Variants in KCNQ5 observed in about 807,000 individuals in gnomAD.
KCNQ5 encodes the protein potassium voltage-gated channel subfamily KQT member 5.
A neutral mutation model predicts 98.2 loss-of-function variants in KCNQ5; 30 were observed. That is an observed-to-expected ratio of 0.31 (90% confidence interval 0.23 to 0.41). The LOEUF (loss-of-function observed/expected upper bound fraction) is 0.41, where lower values mean the gene tolerates loss of function less well. KCNQ5 is among the 10% of genes least tolerant of loss of function. The probability of loss-of-function intolerance (pLI) is 1.00; values close to 1 mark genes in which losing one functional copy is unlikely to be tolerated. For missense variants in KCNQ5, 835 were observed against 1,182.5 expected (o/e 0.71, Z 4.31); for synonymous variants, 458 against 449.4 (o/e 1.02, Z -0.24).
intron 1 of KCNQ5, among the ~76,000 whole-genome samples, chr6:72,846,105 T>A (rs1211290820): frequency 6.6e-6 from 1 of 152,116 alleles, no homozygotes; most frequent in East Asian, 1.9e-4. Context: ...TTGTTAAGTG[T>A]CCCAAGAATG....
At chr6:72,984,431 C>T (rs866350070) in intron 1 of KCNQ5, among the ~76,000 whole-genome samples, 15 of 152,312 alleles carry the variant, frequency 9.8e-5, no homozygotes, top group Middle Eastern at 6.8e-3. Flanking sequence ...ATGCCCCTCC[C>T]GCAGCCAGGC....
chr6:72,888,582 C>T (rs9342984), intron 1 of KCNQ5, among the ~76,000 whole-genome samples: 91,193 of 151,988 alleles, frequency 0.6, 28,030 homozygotes, highest in East Asian at 0.79. Context: ...ACTGCATTTG[C>T]GATGAACCAT....
intron 1 of KCNQ5, among the ~76,000 whole-genome samples, chr6:72,628,828 G>T (rs1054865893): frequency 6.6e-6 from 1 of 152,032 alleles, no homozygotes; most frequent in Non-Finnish European, 1.5e-5. Context: ...GGCCAGGCTG[G>T]TCTCATTCTC....
intron 1 of KCNQ5, among the ~76,000 whole-genome samples, chr6:72,955,547 A>C (rs923838821): frequency 2.0e-5 from 3 of 152,214 alleles, no homozygotes; most frequent in African/African-American, 7.2e-5. Context: ...CTAATTAAAA[A>C]AGAAGATGTA....
intron 1 of KCNQ5, among the ~76,000 whole-genome samples, chr6:72,648,158 A>G (rs1421968411): frequency 3.9e-5 from 6 of 152,164 alleles, no homozygotes; most frequent in Non-Finnish European, 7.3e-5. Context: ...ACATAAGGCC[A>G]TTCACCATGG....
intron 1 of KCNQ5, among the ~76,000 whole-genome samples, chr6:72,978,993 C>T (rs1281735287): frequency 6.6e-6 from 1 of 152,218 alleles, no homozygotes; most frequent in Non-Finnish European, 1.5e-5. Context: ...CATGTCCCTA[C>T]AAAGGATATG....
At chr6:72,874,363 T>C (rs1367950695) in intron 1 of KCNQ5, among the ~76,000 whole-genome samples, 1 of 152,060 alleles carries the variant, frequency 6.6e-6, no homozygotes, top group African/African-American at 2.4e-5. Context: ...ATTTCTTAGA[T>C]CAGATAAGGT....
intron 1 of KCNQ5, among the ~76,000 whole-genome samples, chr6:73,001,598 C>A (rs1027382605): frequency 2.6e-5 from 4 of 151,990 alleles, no homozygotes; most frequent in Admixed American, 6.6e-5. Flanking sequence ...TTCTGGGAAA[C>A]CTGGACTTGG....
chr6:72,785,077 C>T (rs1203940422), intron 1 of KCNQ5, among the ~76,000 whole-genome samples: 3 of 152,234 alleles, frequency 2.0e-5, no homozygotes, highest in Admixed American at 6.5e-5. Context: ...GATTGACCAA[C>T]ACTAAAGTGC....
intron 1 of KCNQ5, among the ~76,000 whole-genome samples, chr6:72,846,412 A>G (rs528175311): frequency 2.0e-5 from 3 of 152,180 alleles, no homozygotes; most frequent in Admixed American, 6.5e-5. Context: ...GGCCTGGCAC[A>G]GTGGCTCACA....
chr6:73,124,064 T>C (rs1775852062), intron 8 of KCNQ5, among the ~76,000 whole-genome samples: 1 of 152,214 alleles, frequency 6.6e-6, no homozygotes, highest in Non-Finnish European at 1.5e-5. Context: ...CCTCAGCAAG[T>C]GACTGAGATA....
intron 1 of KCNQ5, among the ~76,000 whole-genome samples, chr6:72,713,311 C>G (rs1372471140): frequency 6.6e-6 from 1 of 152,164 alleles, no homozygotes; most frequent in Non-Finnish European, 1.5e-5. Context: ...ACCACCCTTC[C>G]CCAGCCGTCA....
chr6:73,112,005 T>C (rs1775261031), intron 7 of KCNQ5, among the ~76,000 whole-genome samples: 1 of 152,198 alleles, frequency 6.6e-6, no homozygotes, highest in Non-Finnish European at 1.5e-5. Context: ...TAGGTTGTTA[T>C]TTAGTATTTC....
At chr6:72,651,775 G>A (rs892276323) in intron 1 of KCNQ5, among the ~76,000 whole-genome samples, 1 of 151,870 alleles carries the variant, frequency 6.6e-6, no homozygotes, top group Non-Finnish European at 1.5e-5. Flanking sequence ...ACTAATGGAG[G>A]AAAATAGAAT....
intron 1 of KCNQ5, among the ~76,000 whole-genome samples, chr6:72,972,356 G>C (rs1398226435): frequency 2.4e-5 from 1 of 42,526 alleles, no homozygotes; most frequent in African/African-American, 6.0e-5. Context: ...TCATTGAGCT[G>C]CTTCTTTTTT....
chr6:72,886,026 G>A (rs867831086), intron 1 of KCNQ5, among the ~76,000 whole-genome samples: 2 of 152,198 alleles, frequency 1.3e-5, no homozygotes, highest in South Asian at 4.1e-4. Flanking sequence ...AATCATATCT[G>A]GGAGAATAAC....
chr6:73,112,495 G>A (rs935120606), intron 7 of KCNQ5, among the ~76,000 whole-genome samples: 11 of 151,966 alleles, frequency 7.2e-5, no homozygotes, highest in Non-Finnish European at 1.2e-4. Context: ...ACAGGCACCC[G>A]CCACCGCGCC....
At chr6:72,995,160 G>A (rs1040042464) in intron 1 of KCNQ5, among the ~76,000 whole-genome samples, 1 of 152,136 alleles carries the variant, frequency 6.6e-6, no homozygotes, top group African/African-American at 2.4e-5. Context: ...CTTCAGGTCA[G>A]GAGTTCAAGA....
chr6:72,857,166 A>G (rs1486506730), intron 1 of KCNQ5, among the ~76,000 whole-genome samples: 1 of 152,250 alleles, frequency 6.6e-6, no homozygotes, highest in Non-Finnish European at 1.5e-5. Context: ...GAAAAAAAGG[A>G]CTATTCAAAC....
Sources: allele counts gnomAD v4.1 joint callset (sites outside exome capture counted in the v4.1 genomes callset), GRCh38; gene constraint gnomAD v4.1.1; transcripts MANE v1.5; gene names NCBI Gene and HGNC (gene_info 2026-07-23, HGNC 2026-07-21).